The following ANKS1B variants were observed in gnomAD, a reference collection of about 807,000 sequenced individuals.
The protein encoded by ANKS1B is ankyrin repeat and sterile alpha motif domain-containing protein 1B.
ANKS1B carries 36 observed loss-of-function variants against 148.3 expected under a neutral mutation model. The ratio of observed to expected loss-of-function variants is 0.24; its 90% CI spans 0.19 to 0.32. The LOEUF is 0.32. Ranked by LOEUF, ANKS1B falls within the 10% of genes least tolerant of loss-of-function variation. The probability of loss-of-function intolerance (pLI) is 1.00; values close to 1 mark genes in which losing one functional copy is unlikely to be tolerated. For synonymous variants in ANKS1B, 542 were observed against 560.8 expected, an observed-to-expected ratio of 0.97 and a Z score of 0.47; for missense variants, 1,157 against 1,542.6, an observed-to-expected ratio of 0.75 and a Z score of 4.19.
At chr12:98,887,496 C>T (rs559439355) in intron 17 of ANKS1B, among the ~76,000 whole-genome samples, 7 of 152,238 alleles carry the variant, frequency 4.6e-5, no homozygotes, top group South Asian at 2.1e-4. Context: ...CATTTTTCAT[C>T]GTATTTTTTC....
intron 10 of ANKS1B, among the ~76,000 whole-genome samples, chr12:99,500,412 T>C (rs1044812956): frequency 6.6e-6 from 1 of 152,186 alleles, no homozygotes; most frequent in African/African-American, 2.4e-5. Context: ...GCCAAGTTAC[T>C]GGTACATAGC....
At chr12:99,494,995 G>A (rs1356188617) in intron 10 of ANKS1B, among the ~76,000 whole-genome samples, 1 of 152,050 alleles carries the variant, frequency 6.6e-6, no homozygotes, top group African/African-American at 2.4e-5. Context: ...ATTAAAATAT[G>A]AGACCATCTG....
chr12:99,354,827 G>C (rs1330214220), intron 12 of ANKS1B, among the ~76,000 whole-genome samples: 1 of 152,026 alleles, frequency 6.6e-6, no homozygotes, highest in Non-Finnish European at 1.5e-5. Flanking sequence ...TTTAAGTTCA[G>C]TAAGAGATAA....
chr12:99,239,052 T>C (rs991612787), intron 14 of ANKS1B, among the ~76,000 whole-genome samples: 1 of 152,132 alleles, frequency 6.6e-6, no homozygotes. Context: ...TGAACAAAAC[T>C]AGACAGAGAA....
intron 10 of ANKS1B, among the ~76,000 whole-genome samples, chr12:99,469,609 C>T (rs975912583): frequency 3.3e-5 from 5 of 151,892 alleles, no homozygotes; most frequent in Non-Finnish European, 7.4e-5. Context: ...CAGAGTATTA[C>T]GGACAAAACA....
At chr12:99,280,652 A>C (rs1212356074) in intron 12 of ANKS1B, among the ~76,000 whole-genome samples, 1 of 152,150 alleles carries the variant, frequency 6.6e-6, no homozygotes, top group Non-Finnish European at 1.5e-5. Context: ...GTTGAAGACT[A>C]ACTAGAACAA....
chr12:99,542,132 T>G (rs575379766), intron 9 of ANKS1B, among the ~76,000 whole-genome samples: 1 of 152,294 alleles, frequency 6.6e-6, no homozygotes, highest in South Asian at 2.1e-4. Context: ...TATCTTAATT[T>G]GTAGATGACA....
intron 17 of ANKS1B, among the ~76,000 whole-genome samples, chr12:99,011,783 C>A (rs2099939580): frequency 6.6e-6 from 1 of 152,142 alleles, no homozygotes; most frequent in Non-Finnish European, 1.5e-5. Flanking sequence ...AAGATAAAAT[C>A]TAATCAAATT....
intron 15 of ANKS1B, among the ~76,000 whole-genome samples, chr12:99,098,619 CTTTTTTTTTTTTTTTTTT>C (rs71081896): frequency 0.023 from 751 of 32,088 alleles, 14 homozygotes; most frequent in African/African-American, 0.057. Flanking sequence ...CTAGGAACTA[CTTTTTTTTTTTTTTTTTT>C]TTTTTTTTTT....
intron 1 of ANKS1B, among the ~76,000 whole-genome samples, chr12:99,910,747 C>T (rs1398726464): frequency 1.3e-5 from 2 of 152,158 alleles, no homozygotes; most frequent in East Asian, 1.9e-4. Flanking sequence ...GTATCTAACG[C>T]AACAGTCTAT....
chr12:99,772,310 C>A (rs1313082445), intron 8 of ANKS1B, among the ~76,000 whole-genome samples: 2 of 152,048 alleles, frequency 1.3e-5, no homozygotes, highest in African/African-American at 2.4e-5. Context: ...TCAACTATAT[C>A]ATCTGTTTTT....
At chr12:99,821,303 A>G (rs2082463729) in intron 2 of ANKS1B, among the ~76,000 whole-genome samples, 1 of 152,048 alleles carries the variant, frequency 6.6e-6, no homozygotes, top group African/African-American at 2.4e-5. Context: ...TGAAAATTAA[A>G]AAGAAAAGAT....
intron 24 of ANKS1B, among the ~76,000 whole-genome samples, 163 bp from the exon 25 acceptor site, chr12:98,773,342 CCAGATATGGAAGAAATATTTT>C (rs2098620244): frequency 6.6e-6 from 1 of 152,066 alleles, no homozygotes; most frequent in Non-Finnish European, 1.5e-5. Context: ...TAAATGAATA[CCAGATATGGAAGAAATATTTT>C]CATTTAATTA....
At chr12:99,101,712 C>T (rs1405854073) in intron 15 of ANKS1B, among the ~76,000 whole-genome samples, 1 of 152,134 alleles carries the variant, frequency 6.6e-6, no homozygotes, top group Non-Finnish European at 1.5e-5. Context: ...TGGATGTGAG[C>T]CACCATGCCC....
chr12:98,854,746 T>C (rs146692189), intron 17 of ANKS1B, among the ~76,000 whole-genome samples: 192 of 152,328 alleles, frequency 1.3e-3, no homozygotes, highest in African/African-American at 4.3e-3. Flanking sequence ...GGGGTGTATT[T>C]TCCATTGAGA....
chr12:99,181,146 T>G (rs1482574104), intron 14 of ANKS1B, among the ~76,000 whole-genome samples: 2 of 152,214 alleles, frequency 1.3e-5, no homozygotes, highest in Non-Finnish European at 2.9e-5. Context: ...ACATAAACTT[T>G]GGTTAAATAA....
chr12:99,410,601 G>C (rs2094666379), intron 11 of ANKS1B, among the ~76,000 whole-genome samples: 1 of 152,148 alleles, frequency 6.6e-6, no homozygotes, highest in Non-Finnish European at 1.5e-5. Context: ...CCTGGGAGGG[G>C]GAGCTTGCAG....
At chr12:98,888,203 G>A (rs546743416) in intron 17 of ANKS1B, among the ~76,000 whole-genome samples, 19 of 152,296 alleles carry the variant, frequency 1.2e-4, no homozygotes, top group African/African-American at 4.1e-4. Flanking sequence ...TGCCAAGATA[G>A]TAACAGATAT....
chr12:99,508,989 T>C (rs558618150), intron 9 of ANKS1B, among the ~76,000 whole-genome samples: 2 of 151,906 alleles, frequency 1.3e-5, no homozygotes, highest in Admixed American at 1.3e-4. Context: ...TCTCCTAATA[T>C]GTCAAATTTT....
Sources: gnomAD v4.1 joint callset for allele counts (sites outside exome capture counted in the v4.1 genomes callset) on GRCh38, gnomAD v4.1.1 for gene constraint, MANE v1.5 for transcripts, NCBI Gene and HGNC (gene_info 2026-07-23, HGNC 2026-07-21) for gene names.